Variants in DHX9 observed in about 807,000 individuals in gnomAD.
DHX9 encodes the protein ATP-dependent RNA helicase A.
DHX9 carries 27 observed loss-of-function variants against 148.7 expected under a neutral mutation model. That is an observed-to-expected ratio of 0.18 (90% confidence interval 0.13 to 0.25). The LOEUF is 0.25. DHX9 is among the 10% of genes least tolerant of loss of function. The probability of loss-of-function intolerance (pLI) is 1.00; values close to 1 mark genes in which losing one functional copy is unlikely to be tolerated. For missense variants in DHX9, 796 were observed against 1,559.6 expected (o/e 0.51, Z 8.25); for synonymous variants, 529 against 516.6 (o/e 1.02, Z -0.33).
chr1:182,887,410 G>A lies in DHX9; in HGVS notation c.3789G>A (p.Gln1263=), dbSNP rs969842697. Residue 1263 remains glutamine, a synonymous_variant, in exon 28 of 28, where the codon CAG becomes CAA. Coordinates refer to ENST00000367549, the MANE Select transcript of DHX9 (RefSeq NM_001357.5). ...CCTATGGAACTGGCTACTTTGGACA[G>A]GGAAGAGGAGGTGGCGGCTATTAAA... ...RGAYGTGYFG[Q]GRGGGGY is the part of the protein sequence containing the mutation. The A allele has an allele frequency of 6.2e-7, 1 of 1,613,340 alleles. No homozygotes were observed. The highest frequency in any genetic ancestry group is 8.5e-7 in the Non-Finnish European group (1 of 1,179,674).
rs751640099 is a variant in DHX9, at chr1:182,883,207, C to A, written c.2983C>A (p.Leu995Met). Residue 995 changes from leucine to methionine, a missense_variant, in exon 25 of 28, where the codon CTG becomes ATG. By Grantham distance (15) the Leu-to-Met change is conservative. Around this residue, in one of 14 missense-constraint regions of DHX9, gnomAD observed 122 missense variants for 289.3 expected, o/e 0.42. Transcript: ENST00000367549. ...TAATTTGGATGTTGTTATCTCCCTC[C>A]TGGCCTTTGGTGTGTACCCCAATGT... ...DNNLDVVISL[L>M]AFGVYPNVCY... 3 of 1,614,132 alleles carry A rather than the reference C, an allele frequency of 1.9e-6. No homozygotes were observed. The highest frequency in any genetic ancestry group is 2.5e-6 in the Non-Finnish European group (3 of 1,179,992).
intron 3 of DHX9, among the ~76,000 whole-genome samples, chr1:182,848,886 C>T (rs1473496104): frequency 1.3e-5 from 2 of 152,164 alleles, no homozygotes; most frequent in African/African-American, 4.8e-5. Flanking sequence ...AGATGCCACA[C>T]ACTTTTAAAT....
rs771946218 is a variant in DHX9, at chr1:182,872,366, T to C, written c.1587T>C (p.Asp529=). Residue 529 remains aspartate (D), a synonymous_variant, in exon 15 of 28, where the codon GAT becomes GAC. Coordinates refer to ENST00000367549, the MANE Select transcript of DHX9 (RefSeq NM_001357.5). ...NTDFLLVVLR[D]VVQAYPEVRI... ...ACTTCCTTTTGGTAGTACTGCGTGA[T>C]GTTGTTCAGGCTTATCCTGAAGTTC... 6.2e-7 allele frequency: 1 copy of C among 1,613,262 alleles called. No individual in the cohort carries two copies. Among genetic ancestry groups the C allele is most frequent in the East Asian group, 2.2e-5 (1 of 44,836 alleles).
intron 7 of DHX9, among the ~76,000 whole-genome samples, chr1:182,857,552 G>A (rs556519507): frequency 2.0e-5 from 3 of 152,234 alleles, no homozygotes; most frequent in Non-Finnish European, 2.9e-5. Flanking sequence ...TACAACTCTT[G>A]AAAAACGTAA....
At chr1:182,876,712 G>T in intron 18 of DHX9, 118 bp from the exon 19 acceptor site, 1 of 925,420 alleles carries the variant, frequency 1.1e-6, no homozygotes. Context: ...TCAGTTATTG[G>T]GTGATCTTTT....
chr1:182,857,092 C>G (rs190226050), intron 7 of DHX9, among the ~76,000 whole-genome samples: 2 of 152,300 alleles, frequency 1.3e-5, no homozygotes, highest in Admixed American at 1.3e-4. Context: ...AGTGATCTGC[C>G]TGGCTCAGCC....
In DHX9 at chr1:182,859,083, T is replaced by G. The variant is rs1668308147; in HGVS notation, c.1106T>G (p.Met369Arg). The change falls in exon 11 of 28, where the codon ATG becomes AGG. Residue 369 changes from methionine (M) to arginine (R), a missense_variant. Met to Arg is a moderately conservative substitution (Grantham distance 91, BLOSUM62 -1). This residue lies in a region of DHX9 where 42 missense variants were observed against 27.1 expected (regional missense o/e 1.55). Transcript: ENST00000367549. ...QISMDLKNELMYQLEQDHDLQ... is the reference protein window; with the variant it reads ...QISMDLKNELRYQLEQDHDLQ... ...AGCATGGACCTCAAGAATGAATTGA[T>G]GTACCAGTTGGAACAGGATCATGAT... 1 of 1,614,170 alleles carries G rather than the reference T, an allele frequency of 6.2e-7. No homozygotes were observed. The highest frequency in any genetic ancestry group is 8.5e-7 in the Non-Finnish European group (1 of 1,180,022).
At chr1:182,839,600 G>C (rs1039507433) in intron 1 of DHX9, 144 bp downstream of exon 1, 1 of 152,328 alleles carries the variant, frequency 6.6e-6, no homozygotes, top group South Asian at 2.1e-4. Flanking sequence ...CCGCCCGCGG[G>C]TCCCCGGATT....
chr1:182,852,031 C>G (rs1331881367), intron 3 of DHX9, among the ~76,000 whole-genome samples: 1 of 152,074 alleles, frequency 6.6e-6, no homozygotes, highest in African/African-American at 2.4e-5. Context: ...ACAGGTTGTT[C>G]CCAGTGGATT....
intron 27 of DHX9, among the ~76,000 whole-genome samples, chr1:182,885,203 GTGTTTT>G (rs1228721576): frequency 6.6e-6 from 1 of 152,148 alleles, no homozygotes; most frequent in African/African-American, 2.4e-5. Context: ...AAATGTATAT[GTGTTTT>G]TGTTTATCTT....
In DHX9 at chr1:182,873,750, A is replaced by G. The variant is rs1221149260; in HGVS notation, c.1715-1104A>G. Among the ~76,000 whole-genome samples, 6 of 152,216 alleles carry G rather than the reference A, an allele frequency of 3.9e-5. 1 individual carries two copies. The highest frequency in any genetic ancestry group is 3.9e-4 in the Admixed American group (6 of 15,282). ...GAGTAGAAGCAGTGACACCCAGTAG[A>G]TAGGGATATGCCCCACATTCAGATT... On this transcript the variant is annotated intron_variant, in intron 15 of 27. Coordinates refer to ENST00000367549, the MANE Select transcript of DHX9 (RefSeq NM_001357.5).
At chr1:182,867,904 T>G (rs974847279) in intron 14 of DHX9, among the ~76,000 whole-genome samples, 2 of 152,236 alleles carry the variant, frequency 1.3e-5, no homozygotes, top group African/African-American at 4.8e-5. Context: ...CTAAGTAGTA[T>G]AGTGACTTTC....
In DHX9 at chr1:182,860,052, A is replaced by G. The variant is rs757486248; in HGVS notation, c.1200A>G (p.Ala400=). The change falls in exon 12 of 28, where the codon GCA becomes GCG. Residue 400 remains alanine, a synonymous_variant. Transcript: ENST00000367549. ...VKKFESEILE[A]ISQNSVVIIR... ...AATTTGAAAGTGAGATTCTGGAAGCAATCAGCCAAAATTCAGTTGTCATTA... is the reference window on the plus strand; with the variant it reads ...AATTTGAAAGTGAGATTCTGGAAGCGATCAGCCAAAATTCAGTTGTCATTA... 9.9e-6 allele frequency: 16 copies of G among 1,613,916 alleles called. No individual in the cohort carries two copies. Among genetic ancestry groups the G allele is most frequent in the Admixed American group, 3.3e-5 (2 of 59,972 alleles).
intron 3 of DHX9, among the ~76,000 whole-genome samples, chr1:182,846,813 A>AT (rs1668039602): frequency 1.3e-5 from 2 of 151,332 alleles, no homozygotes; most frequent in Admixed American, 6.6e-5. Context: ...TATTTAAGAT[A>AT]TTTTTTGTTT....
At chr1:182,851,467 T>G (rs1668148402) in intron 3 of DHX9, among the ~76,000 whole-genome samples, 1 of 152,228 alleles carries the variant, frequency 6.6e-6, no homozygotes, top group Admixed American at 6.5e-5. Flanking sequence ...TTTGAATGAA[T>G]TAGCTTTCAT....
chr1:182,885,653 T>C (rs1220885483), intron 27 of DHX9, among the ~76,000 whole-genome samples: 1 of 152,178 alleles, frequency 6.6e-6, no homozygotes, highest in Non-Finnish European at 1.5e-5. Flanking sequence ...GTAAGATGGG[T>C]AGATTGTTAT....
chr1:182,874,104 T>G (rs1198921780), intron 15 of DHX9, among the ~76,000 whole-genome samples: 1 of 152,218 alleles, frequency 6.6e-6, no homozygotes, highest in South Asian at 2.1e-4. Flanking sequence ...CAAAAGAATT[T>G]CAAATAATTT....
chr1:182,858,684 G>A (rs766857467), intron 9 of DHX9, 44 bp downstream of exon 9: 60 of 1,612,150 alleles, frequency 3.7e-5, no homozygotes, highest in Admixed American at 5.0e-5. Flanking sequence ...AGAACTCTCC[G>A]TAGACAAGCA....
intron 19 of DHX9, chr1:182,877,409 G>C (rs1168911649): frequency 2.6e-5 from 4 of 153,190 alleles, no homozygotes; most frequent in African/African-American, 9.7e-5. Context: ...GTTGAAACTT[G>C]GTTATATCTG....
Sources: gnomAD v4.1 joint callset for allele counts (sites outside exome capture counted in the v4.1 genomes callset) on GRCh38, gnomAD v4.1.1 for gene constraint, gnomAD v4.1.1 regional missense constraint, MANE v1.5 for transcripts, NCBI Gene and HGNC (gene_info 2026-07-23, HGNC 2026-07-21) for gene names.